The following PIAS2 variants were observed in gnomAD, a reference collection of about 807,000 sequenced individuals.
PIAS2 encodes the protein E3 SUMO-protein ligase PIAS2.
A neutral mutation model predicts 69.7 loss-of-function variants in PIAS2; 19 were observed. The observed-to-expected ratio is 0.27, with a 90% CI of 0.19 to 0.40. The LOEUF is 0.40. PIAS2 is among the 10% of genes least tolerant of loss of function. The pLI, the probability that PIAS2 is intolerant of heterozygous loss-of-function variation, is 1.00. For missense variants in PIAS2, 624 were observed against 757.0 expected, an observed-to-expected ratio of 0.82 and a Z score of 2.06; for synonymous variants, 261 against 263.2, an observed-to-expected ratio of 0.99 and a Z score of 0.08.
chr18:46,854,883 C>T (rs1244750628), intron 5 of PIAS2, among the ~76,000 whole-genome samples: 1 of 152,082 alleles, frequency 6.6e-6, no homozygotes, highest in Non-Finnish European at 1.5e-5. Flanking sequence ...CTGTCCTATA[C>T]ATGAAAGTGC....
In PIAS2 at chr18:46,807,459, G is replaced by A. The variant is rs1334687704; in HGVS notation, c.*4974C>T. On this transcript the variant is annotated 3_prime_UTR_variant, in exon 14 of 14. Coordinates refer to ENST00000585916, the MANE Select transcript of PIAS2 (RefSeq NM_004671.5). Reference sequence around the variant, plus strand: ...GGCTGGAGTGCAGTGGCACAATCTCGGATCACTGCAAATCCTCCGCCTCCT... The same window carrying A: ...GGCTGGAGTGCAGTGGCACAATCTCAGATCACTGCAAATCCTCCGCCTCCT... The A allele has an allele frequency of 3.9e-5, 5 of 128,440 alleles. No homozygotes were observed. Among genetic ancestry groups the A allele is most frequent in the Admixed American group, 8.7e-5 (1 of 11,480 alleles). 8.0% of individuals were successfully genotyped at this position (128,440 alleles called of 1,614,324 possible).
chr18:46,848,386 A>C (rs1419743728), intron 5 of PIAS2, among the ~76,000 whole-genome samples: 2 of 152,232 alleles, frequency 1.3e-5, no homozygotes, highest in Admixed American at 6.5e-5. Context: ...CTAACCAGTC[A>C]CGCCATGCCA....
chr18:46,876,696 A>AT (rs1413061697), intron 2 of PIAS2, among the ~76,000 whole-genome samples: 2 of 118,544 alleles, frequency 1.7e-5, no homozygotes, highest in African/African-American at 6.6e-5. Context: ...TCCCTTTACT[A>AT]ATTTTTTTTT....
intron 1 of PIAS2, among the ~76,000 whole-genome samples, chr18:46,899,121 G>A (rs1301153010): frequency 1.3e-5 from 2 of 151,870 alleles, no homozygotes; most frequent in African/African-American, 2.4e-5. Flanking sequence ...TCCAACGACT[G>A]GTTAATGAGT....
intron 2 of PIAS2, among the ~76,000 whole-genome samples, chr18:46,886,581 T>TA (rs2053223063): frequency 6.6e-6 from 1 of 152,188 alleles, no homozygotes; most frequent in South Asian, 2.1e-4. Flanking sequence ...ATCACACCTG[T>TA]AATCCCAGCA....
chr18:46,811,862 G>A lies in PIAS2; in HGVS notation c.*571C>T, dbSNP rs2041023343. On this transcript the variant is annotated 3_prime_UTR_variant, in exon 14 of 14. Coordinates refer to ENST00000585916, the MANE Select transcript of PIAS2 (RefSeq NM_004671.5). Reference sequence around the variant, plus strand: ...CATTTTTCTTTGATGCAATCACGAAGAAAAGTGGAAATGCAGGACGAAAAG... The same window carrying A: ...CATTTTTCTTTGATGCAATCACGAAAAAAAGTGGAAATGCAGGACGAAAAG... The A allele has an allele frequency of 6.6e-6, 1 of 152,150 alleles. No individual in the cohort carries two copies. The highest frequency in any genetic ancestry group is 2.1e-4 in the South Asian group (1 of 4,822). The allele number at this position is 152,150 out of a possible 1,614,324, so 9.4% of individuals were successfully genotyped here. A position where few individuals can be genotyped will look rare whatever the true frequency, so the allele number is the denominator to read the frequency against.
At chr18:46,894,163 C>T (rs1031336330) in intron 1 of PIAS2, among the ~76,000 whole-genome samples, 11 of 152,158 alleles carry the variant, frequency 7.2e-5, no homozygotes, top group Non-Finnish European at 1.2e-4. Flanking sequence ...CTTTATTTAG[C>T]ACTTACTGAT....
chr18:46,907,270 TGGCAA>T (rs1306308551), intron 1 of PIAS2, among the ~76,000 whole-genome samples: 1 of 152,120 alleles, frequency 6.6e-6, no homozygotes, highest in African/African-American at 2.4e-5. Context: ...GTAAAAGACT[TGGCAA>T]GCCACTTTAC....
At chr18:46,856,173 T>C (rs2047791359) in intron 3 of PIAS2, among the ~76,000 whole-genome samples, 1 of 151,974 alleles carries the variant, frequency 6.6e-6, no homozygotes, top group East Asian at 1.9e-4. Context: ...GCCCGGCTAA[T>C]TTTATTTTTA....
At chr18:46,895,562 T>A (rs957438167) in intron 1 of PIAS2, among the ~76,000 whole-genome samples, 1 of 152,012 alleles carries the variant, frequency 6.6e-6, no homozygotes, top group East Asian at 1.9e-4. Flanking sequence ...TTCCAGCTAC[T>A]AGGGAGGCTG....
intron 12 of PIAS2, chr18:46,817,725 G>T: frequency 1.1e-6 from 1 of 940,614 alleles, no homozygotes; most frequent in Non-Finnish European, 1.3e-6. Context: ...CCTGTTTAAT[G>T]TAAATATTTC....
chr18:46,816,185 G>T, intron 12 of PIAS2: 1 of 985,292 alleles, frequency 1.0e-6, no homozygotes, highest in East Asian at 1.1e-4. Flanking sequence ...TCAATTCCGT[G>T]AATTTTTATG....
At chr18:46,916,295 G>A (rs1010174607) in intron 1 of PIAS2, among the ~76,000 whole-genome samples, 1 of 151,876 alleles carries the variant, frequency 6.6e-6, no homozygotes. Flanking sequence ...CCTTTTACCG[G>A]ATTCCTCTTC....
intron 1 of PIAS2, among the ~76,000 whole-genome samples, chr18:46,895,816 A>C (rs2054770601): frequency 6.6e-6 from 1 of 152,136 alleles, no homozygotes; most frequent in African/African-American, 2.4e-5. Context: ...GATACTGCTT[A>C]CTCTTTTCAA....
chr18:46,830,183 A>G (rs2043394386), intron 9 of PIAS2, among the ~76,000 whole-genome samples: 1 of 152,220 alleles, frequency 6.6e-6, no homozygotes, highest in Non-Finnish European at 1.5e-5. Flanking sequence ...CCTCTAACAC[A>G]GCACAAAAAA....
At chr18:46,906,580 A>G in intron 1 of PIAS2, among the ~76,000 whole-genome samples, 1 of 152,346 alleles carries the variant, frequency 6.6e-6, no homozygotes, top group South Asian at 2.1e-4. Context: ...AAATAAATCT[A>G]ACAAAATATT....
At position 46,917,412 on chromosome 18, in the gene PIAS2, G is replaced by C. The variant is rs1372775840; in HGVS notation, c.-67C>G. On this transcript the variant is annotated 5_prime_UTR_variant, in exon 1 of 14. Transcript: ENST00000585916. The stretch of plus-strand genomic sequence containing the variant: ...CACTCCCGCTGCCGCCAACGACGCT[G>C]CCGCCACCACGGCCGCCGCCGCCTC... 1.4e-6 allele frequency: 2 copies of C among 1,390,762 alleles called. No individual in the cohort carries two copies. The highest frequency in any genetic ancestry group is 1.9e-6 in the Non-Finnish European group (2 of 1,069,626). 86.2% of individuals were successfully genotyped at this position (1,390,762 alleles called of 1,614,324 possible). A position where few individuals can be genotyped will look rare whatever the true frequency, so the allele number is the denominator to read the frequency against.
chr18:46,865,620 G>A (rs72909190), intron 2 of PIAS2, among the ~76,000 whole-genome samples: 11,653 of 151,640 alleles, frequency 0.077, 487 homozygotes, highest in African/African-American at 0.1. Flanking sequence ...GATATCCAAT[G>A]TCAGAGCGGT....
chr18:46,842,417 CACA>C (rs1401409657), intron 8 of PIAS2, among the ~76,000 whole-genome samples: 21 of 152,012 alleles, frequency 1.4e-4, no homozygotes, highest in Admixed American at 1.4e-3. Flanking sequence ...AATGGCACTG[CACA>C]ACTGTAAAAC....
Sources: allele counts gnomAD v4.1 joint callset (sites outside exome capture counted in the v4.1 genomes callset), GRCh38; gene constraint gnomAD v4.1.1; transcripts MANE v1.5; gene names NCBI Gene and HGNC (gene_info 2026-07-23, HGNC 2026-07-21).